RIMBP2: variants seen among roughly 807,000 people sequenced by gnomAD.
RIMBP2 encodes the protein RIMS binding protein 2.
A neutral mutation model predicts 118.6 loss-of-function variants in RIMBP2; 48 were observed. The observed-to-expected ratio is 0.40, with a 90% CI of 0.32 to 0.51. The LOEUF is 0.51. RIMBP2 is among the 20% of genes least tolerant of loss of function. RIMBP2 has a pLI of 0.41. For missense variants in RIMBP2, 1,551 were observed against 1,768.3 expected (o/e 0.88, Z 2.20); for synonymous variants, 762 against 742.9 (o/e 1.03, Z -0.42).
chr12:130,538,159 C>A (rs1056528981), intron 2 of RIMBP2, among the ~76,000 whole-genome samples: 1 of 151,898 alleles, frequency 6.6e-6, no homozygotes, highest in Non-Finnish European at 1.5e-5. Context: ...AGATGTTTTA[C>A]GGGGCCCCAA....
chr12:130,407,928 G>A (rs2075329990), intron 19 of RIMBP2, 99 bp from the exon 20 acceptor site: 2 of 1,048,470 alleles, frequency 1.9e-6, no homozygotes, highest in Non-Finnish European at 3.0e-6. Context: ...ATACAGCCGA[G>A]ACCTGGCACT....
chr12:130,482,570 A>T (rs928922386), intron 4 of RIMBP2, among the ~76,000 whole-genome samples: 1 of 152,248 alleles, frequency 6.6e-6, no homozygotes, highest in Admixed American at 6.5e-5. Context: ...TTCCACCAGG[A>T]GAACTCGCTC....
chr12:130,651,856 A>G (rs2063245419), intron 1 of RIMBP2, among the ~76,000 whole-genome samples: 1 of 152,054 alleles, frequency 6.6e-6, no homozygotes, highest in Non-Finnish European at 1.5e-5. Context: ...CAGTTATCAT[A>G]TTATAGCTTT....
At chr12:130,697,420 G>A (rs1441729014) in intron 1 of RIMBP2, among the ~76,000 whole-genome samples, 1 of 152,202 alleles carries the variant, frequency 6.6e-6, no homozygotes, top group Non-Finnish European at 1.5e-5. Context: ...CTACTCGGGA[G>A]GCTGAGGCGA....
intron 5 of RIMBP2, among the ~76,000 whole-genome samples, chr12:130,477,008 C>G (rs2081486221): frequency 6.6e-6 from 1 of 152,208 alleles, no homozygotes; most frequent in African/African-American, 2.4e-5. Context: ...ACTCAAGAGT[C>G]AGACTTCCTC....
At chr12:130,636,329 C>T (rs2062346557) in intron 1 of RIMBP2, among the ~76,000 whole-genome samples, 1 of 152,214 alleles carries the variant, frequency 6.6e-6, no homozygotes, top group Non-Finnish European at 1.5e-5. Flanking sequence ...AATTTCCTAA[C>T]TACCTATTGG....
chr12:130,519,373 A>C (rs912064776), intron 2 of RIMBP2, among the ~76,000 whole-genome samples: 4 of 152,248 alleles, frequency 2.6e-5, no homozygotes, highest in African/African-American at 9.6e-5. Context: ...CAGCAATAAA[A>C]CACAGCGAAG....
chr12:130,549,633 T>A (rs1164207596), intron 2 of RIMBP2, among the ~76,000 whole-genome samples: 1 of 152,210 alleles, frequency 6.6e-6, no homozygotes, highest in East Asian at 1.9e-4. Flanking sequence ...CCTGTGTTAG[T>A]TCGCTGAGGA....
rs1427534981 is a variant in RIMBP2, at chr12:130,576,182, C to T, written c.-217+52140G>A. Among the ~76,000 whole-genome samples the T allele has an allele frequency of 6.6e-6, 1 of 152,150 alleles. No individual in the cohort carries two copies. Among genetic ancestry groups the T allele is most frequent in the African/African-American group, 2.4e-5 (1 of 41,446 alleles). The stretch of plus-strand genomic sequence containing the variant: ...GTACCTTGTAGGCCACGGTAGGAAC[C>T]TTGCTTTGTATCCTGAGCATGAGAA... On this transcript the variant is annotated intron_variant, in intron 2 of 22. Transcript: ENST00000690449. The surrounding 1 kb of genome is among the most constrained non-coding windows in gnomAD (Gnocchi z 4.2).
At chr12:130,671,402 G>A (rs528623631) in intron 1 of RIMBP2, among the ~76,000 whole-genome samples, 6 of 152,210 alleles carry the variant, frequency 3.9e-5, no homozygotes, top group South Asian at 4.1e-4. Flanking sequence ...TTCTCTGATC[G>A]ATTTCCCTTA....
At chr12:130,615,280 T>C (rs868777442) in intron 2 of RIMBP2, among the ~76,000 whole-genome samples, 6 of 127,510 alleles carry the variant, frequency 4.7e-5, no homozygotes, top group East Asian at 2.2e-4. Flanking sequence ...CACATACATA[T>C]ATATATATAT....
chr12:130,644,634 C>G (rs1442511525), intron 1 of RIMBP2, among the ~76,000 whole-genome samples: 2 of 152,214 alleles, frequency 1.3e-5, no homozygotes, highest in Non-Finnish European at 2.9e-5. Flanking sequence ...TTACGGGAGA[C>G]ATTTTGAAGC....
rs149796520 is a variant in RIMBP2 at position 130,670,996 on chromosome 12, G to A, written c.-351-42540C>T. 0.018 allele frequency among the ~76,000 whole-genome samples: 2,698 copies of A among 152,192 alleles called. 29 individuals are homozygous for A. The highest frequency in any genetic ancestry group is 0.034 in the Middle Eastern group (10 of 294). The stretch of plus-strand genomic sequence containing the variant: ...GCTGGTCTCAAACTCCTGACTTCAG[G>A]TGATCTGCCTGCCTTGGCCTCCCAA... On this transcript the variant is annotated intron_variant, in intron 1 of 22. Transcript: ENST00000690449. The surrounding 1 kb of genome is among the most constrained non-coding windows in gnomAD (Gnocchi z 4.9).
intron 2 of RIMBP2, among the ~76,000 whole-genome samples, chr12:130,626,389 T>TTAC (rs1412311697): frequency 7.2e-6 from 1 of 138,178 alleles, no homozygotes; most frequent in African/African-American, 3.0e-5. Flanking sequence ...ATCTTCTCCA[T>TTAC]CACGACTACC....
In RIMBP2 at chr12:130,434,820, C is replaced by T. The variant is rs774346465; in HGVS notation, c.2167G>A (p.Glu723Lys). 18 of 1,613,786 alleles carry T rather than the reference C, an allele frequency of 1.1e-5. No individual in the cohort carries two copies. The highest frequency in any genetic ancestry group is 1.1e-5 in the South Asian group (1 of 91,076). ...TCTGGAGAGTCATAGGCGTCCTCCT[C>T]GTCTGAGGCGGCGTACTGCCCCGCG... ...SSAGQYAASD[E>K]EDAYDSPDFK... Residue 723 changes from glutamate to lysine, a missense_variant, in exon 14 of 23, where the codon GAG becomes AAG. Around this residue, in one of 5 missense-constraint regions of RIMBP2, gnomAD observed 1,038 missense variants for 1,125.1 expected, o/e 0.92. Transcript: ENST00000690449. The surrounding 1 kb of genome is among the most constrained non-coding windows in gnomAD (Gnocchi z 5.7).
At chr12:130,460,749 G>T (rs1335572550) in intron 6 of RIMBP2, among the ~76,000 whole-genome samples, 1 of 152,134 alleles carries the variant, frequency 6.6e-6, no homozygotes, top group African/African-American at 2.4e-5. Context: ...CACTGTCCTT[G>T]CTTCCCCCGC....
chr12:130,634,388 G>A lies in RIMBP2; in HGVS notation c.-351-5932C>T, dbSNP rs2062210594. On this transcript the variant is annotated intron_variant, in intron 1 of 22. Coordinates refer to ENST00000690449, the MANE Select transcript of RIMBP2 (RefSeq NM_001393629.1). ...TGCACCAGGAGTCCTCAGGTTTAAT[G>A]TTTTCTATGCCCTATCTCACACACT... 2.6e-5 allele frequency among the ~76,000 whole-genome samples: 4 copies of A among 152,226 alleles called. No homozygotes were observed. In the South Asian group the frequency reaches 8.3e-4, roughly 32 times the overall value.
chr12:130,423,319 G>A (rs1238928003), intron 16 of RIMBP2, among the ~76,000 whole-genome samples: 1 of 152,212 alleles, frequency 6.6e-6, no homozygotes, highest in Non-Finnish European at 1.5e-5. Flanking sequence ...GGGAGGCTGC[G>A]GGCTGCCGTG....
At chr12:130,626,574 TC>T (rs1351213706) in intron 2 of RIMBP2, among the ~76,000 whole-genome samples, 1 of 140,872 alleles carries the variant, frequency 7.1e-6, no homozygotes, top group Non-Finnish European at 1.5e-5. Flanking sequence ...CACCATCTTC[TC>T]CATCACGACT....
Sources: allele counts gnomAD v4.1 joint callset (sites outside exome capture counted in the v4.1 genomes callset), GRCh38; gene constraint gnomAD v4.1.1; regional missense constraint gnomAD v4.1.1; non-coding constraint Gnocchi (gnomAD v3.1); transcripts MANE v1.5; gene names NCBI Gene and HGNC (gene_info 2026-07-23, HGNC 2026-07-21).